Variants in MYOF observed in about 807,000 individuals in gnomAD.
MYOF encodes the protein fer-1-like 3, myoferlin.
In MYOF, 244 loss-of-function variants were observed where a neutral mutation model predicts 284.2. That is an observed-to-expected ratio of 0.86 (90% CI 0.77 to 0.95). The LOEUF is 0.95. MYOF is among the 40% of genes least tolerant of loss of function. MYOF has a pLI of 0.00. For synonymous variants in MYOF, 904 were observed against 919.7 expected, an observed-to-expected ratio of 0.98 and a Z score of 0.31; for missense variants, 2,496 against 2,560.6, an observed-to-expected ratio of 0.97 and a Z score of 0.54.
chr10:93,431,393 A>G lies in MYOF; in HGVS notation c.345+15T>C, dbSNP rs1848861441. 1 of 1,608,850 alleles carries G rather than the reference A, an allele frequency of 6.2e-7. No homozygotes were observed. Among genetic ancestry groups the G allele is most frequent in the Non-Finnish European group, 8.5e-7 (1 of 1,175,488 alleles). On this transcript the variant is annotated intron_variant, in intron 4 of 53. Transcript: ENST00000359263. ...TCTCACTTCAAAGCCATTCAATAAG[A>G]GAGAAAACACTCACCCCAGTATCTT...
chr10:93,325,722 G>T, intron 46 of MYOF, 104 bp downstream of exon 46: 3 of 1,328,024 alleles, frequency 2.3e-6, no homozygotes, highest in Non-Finnish European at 3.1e-6. Flanking sequence ...CTATTTCTGT[G>T]CATCTCAAAG....
intron 32 of MYOF, among the ~76,000 whole-genome samples, chr10:93,352,348 G>T (rs985371160): frequency 6.6e-6 from 1 of 152,198 alleles, no homozygotes. Context: ...GGAAGTATCT[G>T]ATAAATGCTA....
At chr10:93,351,868 A>G (rs765764263) in intron 32 of MYOF, 22 bp from the exon 33 acceptor site, 14 of 1,569,008 alleles carry the variant, frequency 8.9e-6, no homozygotes, top group Non-Finnish European at 1.2e-5. Flanking sequence ...AAAGAGAATA[A>G]CAACGGGGCC....
chr10:93,408,309 T>C (rs1306224503), intron 7 of MYOF, among the ~76,000 whole-genome samples: 1 of 152,084 alleles, frequency 6.6e-6, no homozygotes, highest in African/African-American at 2.4e-5. Flanking sequence ...CAGCACTTTG[T>C]TGGCGGGTGG....
intron 1 of MYOF, among the ~76,000 whole-genome samples, chr10:93,478,857 A>G (rs1036797550): frequency 8.6e-5 from 13 of 150,744 alleles, no homozygotes; most frequent in African/African-American, 3.2e-4. Flanking sequence ...AGAAAGAAAG[A>G]AAGGGTTTGA....
chr10:93,434,025 A>T (rs1848990298), intron 3 of MYOF, among the ~76,000 whole-genome samples: 1 of 152,246 alleles, frequency 6.6e-6, no homozygotes, highest in Non-Finnish European at 1.5e-5. Flanking sequence ...ACCCAATGAC[A>T]GGAGCCCCCT....
chr10:93,462,586 C>T (rs1363437031), intron 1 of MYOF, among the ~76,000 whole-genome samples: 1 of 152,090 alleles, frequency 6.6e-6, no homozygotes, highest in Non-Finnish European at 1.5e-5. Context: ...ATTTCCCTAG[C>T]TAATAAGGAA....
intron 7 of MYOF, among the ~76,000 whole-genome samples, chr10:93,404,966 T>C (rs1369763090): frequency 6.6e-6 from 1 of 152,240 alleles, no homozygotes; most frequent in East Asian, 1.9e-4. Flanking sequence ...ATGTTAATCC[T>C]AAAAGATTGA....
At chr10:93,463,394 A>AAT (rs34592074) in intron 1 of MYOF, among the ~76,000 whole-genome samples, 1,482 of 78,902 alleles carry the variant, frequency 0.019, 75 homozygotes, top group African/African-American at 0.061. Context: ...GTCTCTACAA[A>AAT]TTTTTTTTTT....
chr10:93,481,041 C>T (rs1365308551), intron 1 of MYOF, among the ~76,000 whole-genome samples: 1 of 152,032 alleles, frequency 6.6e-6, no homozygotes, highest in East Asian at 1.9e-4. Flanking sequence ...AGTTGGCAGT[C>T]TTACCAATGA....
intron 5 of MYOF, among the ~76,000 whole-genome samples, chr10:93,413,895 A>C (rs1848008459): frequency 6.6e-6 from 1 of 152,142 alleles, no homozygotes; most frequent in Non-Finnish European, 1.5e-5. Flanking sequence ...CGGGAGGCTA[A>C]GATGGGAGGA....
Position 93,310,172 on chromosome 10 carries a change from A to T in MYOF, c.6000-5T>A, listed in dbSNP as rs374496246. 1 of 1,613,912 alleles carries T rather than the reference A, an allele frequency of 6.2e-7. No individual in the cohort carries two copies. Among genetic ancestry groups the T allele is most frequent in the African/African-American group, 1.3e-5 (1 of 75,060 alleles). On this transcript the variant is annotated splice_polypyrimidine_tract_variant and splice_region_variant and intron_variant, in intron 52 of 53. Coordinates refer to ENST00000359263, the MANE Select transcript of MYOF (RefSeq NM_013451.4). The stretch of plus-strand genomic sequence containing the variant: ...AGGAAGGAGGTTTCTGGTCGACTGC[A>T]TTGCAAAGAAACAGTATCACCTACC...
intron 3 of MYOF, among the ~76,000 whole-genome samples, chr10:93,447,056 G>A (rs1202598854): frequency 6.6e-6 from 1 of 152,158 alleles, no homozygotes; most frequent in African/African-American, 2.4e-5. Flanking sequence ...ATAACACCAA[G>A]TGCAACATAG....
At chr10:93,325,358 C>T (rs787684) in intron 46 of MYOF, among the ~76,000 whole-genome samples, 127,987 of 152,132 alleles carry the variant, frequency 0.84, 53,974 homozygotes, top group East Asian at 0.91. Context: ...CCTCCTGAAC[C>T]GGGCCGAGCT....
chr10:93,310,042 G>A lies in MYOF; in HGVS notation c.6125C>T (p.Ala2042Val). 6.2e-7 allele frequency: 1 copy of A among 1,614,068 alleles called. No individual in the cohort carries two copies. Among genetic ancestry groups the A allele is most frequent in the East Asian group, 2.2e-5 (1 of 44,864 alleles). Reference protein sequence around the residue: ...LFLLILLLFVAVLLYSLPNYL... With the variant: ...LFLLILLLFVVVLLYSLPNYL... ...TACCGGCAAAGAGTAGAGGAGCACGGCCACGAAGAGCAGCAGGATAAGCAG... is the reference window on the plus strand; with the variant it reads ...TACCGGCAAAGAGTAGAGGAGCACGACCACGAAGAGCAGCAGGATAAGCAG... Residue 2042 changes from alanine (A) to valine (V), a missense_variant, in exon 53 of 54, where the codon GCC (alanine) becomes GTC (valine). Coordinates refer to ENST00000359263, the MANE Select transcript of MYOF (RefSeq NM_013451.4).
intron 19 of MYOF, among the ~76,000 whole-genome samples, chr10:93,387,341 A>C (rs1442083951): frequency 6.6e-6 from 1 of 152,204 alleles, no homozygotes; most frequent in East Asian, 1.9e-4. Flanking sequence ...ATCGACCTGG[A>C]TTCTCAGAAA....
chr10:93,399,752 A>G (rs567632510), intron 12 of MYOF, among the ~76,000 whole-genome samples: 2 of 152,300 alleles, frequency 1.3e-5, no homozygotes, highest in African/African-American at 4.8e-5. Context: ...CGCGCCTGTA[A>G]TCCCAGCTAC....
chr10:93,378,953 TG>T (rs1363830432), intron 21 of MYOF, among the ~76,000 whole-genome samples: 1 of 151,906 alleles, frequency 6.6e-6, no homozygotes, highest in Non-Finnish European at 1.5e-5. Flanking sequence ...TGATCTCAAA[TG>T]ATCTGCCCAC....
chr10:93,389,306 A>C, intron 17 of MYOF, 152 bp from the exon 18 acceptor site: 2 of 793,502 alleles, frequency 2.5e-6, no homozygotes. Context: ...GAGGTTTGCC[A>C]TATTTCTCTT....
Sources: allele counts gnomAD v4.1 joint callset (sites outside exome capture counted in the v4.1 genomes callset), GRCh38; gene constraint gnomAD v4.1.1; transcripts MANE v1.5; gene names NCBI Gene and HGNC (gene_info 2026-07-23, HGNC 2026-07-21).